The following ARPP21 variants were observed in gnomAD, a reference collection of about 807,000 sequenced individuals.
The protein encoded by ARPP21 is cAMP-regulated phosphoprotein 21.
In ARPP21, 69 loss-of-function variants were observed where a neutral mutation model predicts 113.2. The ratio of observed to expected loss-of-function variants is 0.61; its 90% confidence interval spans 0.50 to 0.74. The LOEUF is 0.74. Ranked by LOEUF, ARPP21 falls within the 30% of genes least tolerant of loss-of-function variation. The probability of loss-of-function intolerance (pLI) is 0.00; values close to 1 mark genes in which losing one functional copy is unlikely to be tolerated. For synonymous variants in ARPP21, 368 were observed against 375.5 expected, an observed-to-expected ratio of 0.98 and a Z score of 0.23; for missense variants, 1,070 against 1,037.4, an observed-to-expected ratio of 1.03 and a Z score of -0.43.
intron 15 of ARPP21, among the ~76,000 whole-genome samples, chr3:35,736,146 T>G (rs2094336162): frequency 6.6e-6 from 1 of 152,202 alleles, no homozygotes; most frequent in African/African-American, 2.4e-5. Flanking sequence ...CTGAATAGGT[T>G]GCTTGGTCCC....
In ARPP21 at chr3:35,683,722, C is replaced by G; in HGVS notation, c.172-4C>G. The G allele has an allele frequency of 9.8e-6, 11 of 1,120,916 alleles. No individual in the cohort carries two copies. Among genetic ancestry groups the G allele is most frequent in the Non-Finnish European group, 1.2e-5 (9 of 733,968 alleles). The allele number at this position is 1,120,916 out of a possible 1,614,324, so 69.4% of individuals were successfully genotyped here. A position where few individuals can be genotyped will look rare whatever the true frequency, so the allele number is the denominator to read the frequency against. ...TTCCTTCCCTTTTCTTTCCCCCCTCCTAGTCAGGAGCAGGAAAAGGTAAAC... is the reference window on the plus strand; with the variant it reads ...TTCCTTCCCTTTTCTTTCCCCCCTCGTAGTCAGGAGCAGGAAAAGGTAAAC... On this transcript the variant is annotated splice_region_variant and splice_polypyrimidine_tract_variant and intron_variant, in intron 4 of 20. Coordinates refer to ENST00000684406, the MANE Select transcript of ARPP21 (RefSeq NM_001385562.1).
chr3:35,706,442 G>A (rs1559686000), intron 9 of ARPP21, among the ~76,000 whole-genome samples: 1 of 152,206 alleles, frequency 6.6e-6, no homozygotes, highest in Non-Finnish European at 1.5e-5. Flanking sequence ...GGGTGTCAGA[G>A]TCTACTGGAG....
At chr3:35,791,896 A>G (rs1224736095) in intron 19 of ARPP21, among the ~76,000 whole-genome samples, 1 of 152,172 alleles carries the variant, frequency 6.6e-6, no homozygotes, top group Non-Finnish European at 1.5e-5. Context: ...AAAAAATAGA[A>G]TTTATCCAAA....
intron 20 of ARPP21, among the ~76,000 whole-genome samples, chr3:35,793,228 A>C (rs2096782393): frequency 6.6e-6 from 1 of 152,206 alleles, no homozygotes; most frequent in African/African-American, 2.4e-5. Context: ...CTAAAGTTGC[A>C]GGTTGAGAAT....
At position 35,667,382 on chromosome 3, in the gene ARPP21, C is replaced by A. The variant is rs1009454531; in HGVS notation, c.-212-12405C>A. On this transcript the variant is annotated intron_variant, in intron 1 of 20. Transcript: ENST00000684406. Reference sequence around the variant, plus strand: ...CCACAGTCATTTTGCATTGTGATTACGTGTCATAATCTCATGACTAGTTAA... The same window carrying A: ...CCACAGTCATTTTGCATTGTGATTAAGTGTCATAATCTCATGACTAGTTAA... 2.6e-5 allele frequency among the ~76,000 whole-genome samples: 4 copies of A among 152,142 alleles called. No homozygotes were observed. The East Asian group carries it at 7.7e-4, about 29-fold the overall frequency.
chr3:35,698,371 G>A (rs1304506398), intron 9 of ARPP21, among the ~76,000 whole-genome samples: 1 of 151,602 alleles, frequency 6.6e-6, no homozygotes, highest in East Asian at 1.9e-4. Context: ...GAGCCTTTGA[G>A]TGTGAATGTA....
At chr3:35,734,070 A>T (rs908389267) in intron 15 of ARPP21, among the ~76,000 whole-genome samples, 1 of 152,030 alleles carries the variant, frequency 6.6e-6, no homozygotes, top group Non-Finnish European at 1.5e-5. Flanking sequence ...TTTCCTTTCC[A>T]TTGTGCATGT....
intron 1 of ARPP21, among the ~76,000 whole-genome samples, chr3:35,666,832 T>C (rs1319585510): frequency 6.6e-6 from 1 of 152,192 alleles, no homozygotes; most frequent in Non-Finnish European, 1.5e-5. Context: ...TTTTTCCAAA[T>C]ATAAAATTAA....
At chr3:35,703,282 A>G (rs1559675801) in intron 9 of ARPP21, among the ~76,000 whole-genome samples, 1 of 151,936 alleles carries the variant, frequency 6.6e-6, no homozygotes, top group Non-Finnish European at 1.5e-5. Flanking sequence ...TTCAAGGGGG[A>G]AAAAACTAAA....
At position 35,699,598 on chromosome 3, in the gene ARPP21, C is replaced by A. The variant is rs199612394; in HGVS notation, c.687-7376C>A. Among the ~76,000 whole-genome samples, 4 of 151,656 alleles carry A rather than the reference C, an allele frequency of 2.6e-5. No individual in the cohort carries two copies. The East Asian group carries it at 7.8e-4, about 29-fold the overall frequency. On this transcript the variant is annotated intron_variant, in intron 9 of 20. Coordinates refer to ENST00000684406, the MANE Select transcript of ARPP21 (RefSeq NM_001385562.1). The stretch of plus-strand genomic sequence containing the variant: ...AGGTACCACAGTGTTCTCAGAGGAG[C>A]ATAGCCTTTAACTTCCCAATCTTCA...
At chr3:35,663,047 A>C (rs1047305593) in intron 1 of ARPP21, among the ~76,000 whole-genome samples, 9 of 152,004 alleles carry the variant, frequency 5.9e-5, no homozygotes, top group Non-Finnish European at 1.2e-4. Context: ...AAGATACTGT[A>C]CTCAGGCGAT....
intron 19 of ARPP21, among the ~76,000 whole-genome samples, chr3:35,776,826 G>C (rs1315856416): frequency 6.6e-6 from 1 of 152,150 alleles, no homozygotes; most frequent in South Asian, 2.1e-4. Flanking sequence ...ATGGGAGTCT[G>C]GGCCCAAGTG....
At chr3:35,710,227 T>C (rs1040144583) in intron 11 of ARPP21, among the ~76,000 whole-genome samples, 1 of 152,134 alleles carries the variant, frequency 6.6e-6, no homozygotes, top group Admixed American at 6.6e-5. Context: ...AGATGGAAGT[T>C]ACCATTGTTG....
At chr3:35,731,717 C>A (rs1298445408) in intron 15 of ARPP21, among the ~76,000 whole-genome samples, 1 of 151,452 alleles carries the variant, frequency 6.6e-6, no homozygotes, top group African/African-American at 2.4e-5. Context: ...ACTGTTGAAG[C>A]TAAAGGTTTG....
At chr3:35,681,283 T>C (rs953502531) in intron 2 of ARPP21, 1 of 154,270 alleles carries the variant, frequency 6.5e-6, no homozygotes, top group African/African-American at 2.4e-5. Context: ...ATGTCTATGT[T>C]TGGAACCTGC....
chr3:35,788,265 C>T (rs762383374), intron 19 of ARPP21, among the ~76,000 whole-genome samples: 8 of 152,186 alleles, frequency 5.3e-5, no homozygotes, highest in Non-Finnish European at 7.3e-5. Context: ...GTAATTCTAC[C>T]TCACACCGTG....
chr3:35,731,794 C>G (rs890143894), intron 15 of ARPP21, among the ~76,000 whole-genome samples: 4 of 152,068 alleles, frequency 2.6e-5, no homozygotes, highest in Non-Finnish European at 5.9e-5. Context: ...ACCTCTCACC[C>G]TTTTTAAAGT....
chr3:35,667,962 AGAAGAAG>A (rs1559549053), intron 1 of ARPP21, among the ~76,000 whole-genome samples: 23 of 84,210 alleles, frequency 2.7e-4, no homozygotes, highest in African/African-American at 9.0e-4. Context: ...AAGAAGAAGA[AGAAGAAG>A]AAGAAGAAGA....
At chr3:35,712,520 G>A (rs949917962) in intron 11 of ARPP21, among the ~76,000 whole-genome samples, 2 of 97,748 alleles carry the variant, frequency 2.0e-5, no homozygotes, top group Admixed American at 9.5e-5. Flanking sequence ...GTGTCTGTGT[G>A]TGTGTGTGTG....
Sources: allele counts gnomAD v4.1 joint callset (sites outside exome capture counted in the v4.1 genomes callset), GRCh38; gene constraint gnomAD v4.1.1; transcripts MANE v1.5; gene names NCBI Gene and HGNC (gene_info 2026-07-23, HGNC 2026-07-21).